SLC24A2: variants seen among roughly 807,000 people sequenced by gnomAD.
The protein encoded by SLC24A2 is solute carrier family 24 member 2, also known as sodium/potassium/calcium exchanger 2.
A neutral mutation model predicts 62.0 loss-of-function variants in SLC24A2; 36 were observed. The ratio of observed to expected loss-of-function variants is 0.58; its 90% CI spans 0.44 to 0.77. SLC24A2 has a LOEUF of 0.77. Among genes scored for constraint, SLC24A2 ranks in the 30% least tolerant of loss-of-function variants. SLC24A2 has a pLI of 0.00. For synonymous variants in SLC24A2, 358 were observed against 294.0 expected, an observed-to-expected ratio of 1.22 and a Z score of -2.23; for missense variants, 846 against 817.9, an observed-to-expected ratio of 1.03 and a Z score of -0.42.
the SLC24A2 span, among the ~76,000 whole-genome samples, chr9:19,920,995 T>C: frequency 1.3e-5 from 2 of 151,562 alleles, no homozygotes; most frequent in South Asian, 4.2e-4. Context: ...CCTCATAGGG[T>C]TGTTGTGAGG....
At chr9:19,820,038 TA>T in the SLC24A2 span, among the ~76,000 whole-genome samples, 1 of 107,358 alleles carries the variant, frequency 9.3e-6, no homozygotes, top group Non-Finnish European at 1.8e-5. Context: ...CATATATATA[TA>T]TACATATATA....
the SLC24A2 span, among the ~76,000 whole-genome samples, chr9:20,013,737 A>G: frequency 2.0e-5 from 3 of 152,252 alleles, no homozygotes; most frequent in Non-Finnish European, 4.4e-5. Flanking sequence ...CTGTGTAGTA[A>G]GAAAATAACC....
chr9:20,119,969 A>T, the SLC24A2 span, among the ~76,000 whole-genome samples: 1 of 152,142 alleles, frequency 6.6e-6, no homozygotes, highest in African/African-American at 2.4e-5. Flanking sequence ...GTGTGACACA[A>T]GTCTCACTGG....
At chr9:19,655,175 C>G (rs774013678) in intron 2 of SLC24A2, among the ~76,000 whole-genome samples, 3 of 152,218 alleles carry the variant, frequency 2.0e-5, no homozygotes, top group Non-Finnish European at 4.4e-5. Flanking sequence ...AAGTATCTAT[C>G]ACCCCAGAGG....
chr9:20,131,502 C>A, the SLC24A2 span, among the ~76,000 whole-genome samples: 27 of 152,168 alleles, frequency 1.8e-4, no homozygotes, highest in Middle Eastern at 3.2e-3. Context: ...AGATGCCCCA[C>A]ACAGATTTCC....
chr9:19,820,128 T>C, the SLC24A2 span, among the ~76,000 whole-genome samples: 3 of 146,944 alleles, frequency 2.0e-5, no homozygotes, highest in African/African-American at 7.6e-5. Context: ...ATTAACAGCA[T>C]TTGCAGTGAC....
chr9:19,669,231 G>A (rs1819344447), intron 2 of SLC24A2, among the ~76,000 whole-genome samples: 1 of 152,156 alleles, frequency 6.6e-6, no homozygotes, highest in Non-Finnish European at 1.5e-5. Flanking sequence ...TCTGGAGACT[G>A]TTCTCAACCA....
the SLC24A2 span, among the ~76,000 whole-genome samples, chr9:20,261,733 C>CTTTTTTTTTTTTTTTTTTTTTTTTT: frequency 1.3e-5 from 1 of 75,282 alleles, no homozygotes; most frequent in Non-Finnish European, 2.3e-5. Flanking sequence ...AACACCAAAT[C>CTTTTTTTTTTTTTTTTTTTTTTTTT]TTTTTTTTTT....
At chr9:19,970,897 T>C in the SLC24A2 span, among the ~76,000 whole-genome samples, 1 of 152,204 alleles carries the variant, frequency 6.6e-6, no homozygotes, top group East Asian at 1.9e-4. Flanking sequence ...CTGATATGAT[T>C]GGACAGAAAT....
At chr9:20,268,556 T>G in the SLC24A2 span, among the ~76,000 whole-genome samples, 1 of 152,118 alleles carries the variant, frequency 6.6e-6, no homozygotes. Flanking sequence ...ATGTGCTGCT[T>G]TGCACCTCCT....
At chr9:19,525,809 G>A (rs1833424606) in intron 9 of SLC24A2, among the ~76,000 whole-genome samples, 1 of 139,408 alleles carries the variant, frequency 7.2e-6, no homozygotes, top group South Asian at 2.3e-4. Flanking sequence ...TAGTGGTTGT[G>A]AAGTGATATC....
chr9:20,147,687 C>G, the SLC24A2 span, among the ~76,000 whole-genome samples: 1 of 151,996 alleles, frequency 6.6e-6, no homozygotes, highest in Non-Finnish European at 1.5e-5. Flanking sequence ...TTGAGGCTTC[C>G]CTTCTGAAAT....
the SLC24A2 span, among the ~76,000 whole-genome samples, chr9:20,194,933 T>C: frequency 6.6e-6 from 1 of 152,112 alleles, no homozygotes; most frequent in Non-Finnish European, 1.5e-5. Flanking sequence ...TATTCTAAGA[T>C]TGCTAGTAAC....
intron 2 of SLC24A2, among the ~76,000 whole-genome samples, chr9:19,683,805 G>A (rs7038422): frequency 0.24 from 36,533 of 151,840 alleles, 4,492 homozygotes; most frequent in Middle Eastern, 0.32. Context: ...TTTTTGAGGC[G>A]GGGAGGAAAC....
the SLC24A2 span, among the ~76,000 whole-genome samples, chr9:20,056,942 G>A: frequency 6.6e-6 from 1 of 152,210 alleles, no homozygotes; most frequent in Non-Finnish European, 1.5e-5. Flanking sequence ...TGTTTGGAGA[G>A]AGATATTTTC....
the SLC24A2 span, among the ~76,000 whole-genome samples, chr9:20,249,655 C>T: frequency 3.7e-5 from 5 of 135,148 alleles, no homozygotes; most frequent in South Asian, 2.3e-4. Context: ...CAGTGAGCTA[C>T]GATTGCACCA....
At chr9:20,066,247 A>T in the SLC24A2 span, among the ~76,000 whole-genome samples, 3 of 152,244 alleles carry the variant, frequency 2.0e-5, no homozygotes, top group Non-Finnish European at 4.4e-5. Flanking sequence ...TTAAAAAGGC[A>T]TTTATAGCAC....
the SLC24A2 span, among the ~76,000 whole-genome samples, chr9:20,253,044 C>A: frequency 6.6e-6 from 1 of 152,196 alleles, no homozygotes; most frequent in African/African-American, 2.4e-5. Context: ...CTGTTAGAAA[C>A]AAGGCACCCA....
At chr9:20,098,826 C>T in the SLC24A2 span, among the ~76,000 whole-genome samples, 3 of 152,210 alleles carry the variant, frequency 2.0e-5, no homozygotes, top group East Asian at 1.9e-4. Context: ...AAATCTCTCA[C>T]AGTTTCTTTA....
Sources: gnomAD v4.1 joint callset for allele counts (sites outside exome capture counted in the v4.1 genomes callset) on GRCh38, gnomAD v4.1.1 for gene constraint, MANE v1.5 for transcripts, NCBI Gene and HGNC (gene_info 2026-07-23, HGNC 2026-07-21) for gene names.